The following GTSE1 variants were observed in gnomAD, a reference collection of about 807,000 sequenced individuals.
The protein encoded by GTSE1 is G2 and S-phase expressed 1, also known as G2 and S phase-expressed protein 1.
Under a neutral mutation model 60.5 loss-of-function variants are expected in GTSE1, and 52 were observed. The observed-to-expected ratio is 0.86, with a 90% CI of 0.69 to 1.08. The LOEUF is 1.08. GTSE1 is among the 50% of genes least tolerant of loss of function. The probability of loss-of-function intolerance (pLI) is 0.00; values close to 1 mark genes in which losing one functional copy is unlikely to be tolerated. For synonymous variants in GTSE1, 368 were observed against 386.5 expected, an observed-to-expected ratio of 0.95 and a Z score of 0.56; for missense variants, 937 against 961.8, an observed-to-expected ratio of 0.97 and a Z score of 0.34.
rs1288018982 is a variant in GTSE1, at chr22:46,320,480, G to A, written c.1433-2710G>A. On this transcript the variant is annotated intron_variant, in intron 7 of 11. Coordinates refer to ENST00000454366, the MANE Select transcript of GTSE1 (RefSeq NM_016426.7). The surrounding 1 kb of genome is among the most constrained non-coding windows in gnomAD (Gnocchi z 7.1). Reference sequence around the variant, plus strand: ...ACACAGCTCTGGGAGGCACGTGGTGGTGTGCACTTTTTGGCTGAGAGCACT... The same window carrying A: ...ACACAGCTCTGGGAGGCACGTGGTGATGTGCACTTTTTGGCTGAGAGCACT... 6.6e-6 allele frequency among the ~76,000 whole-genome samples: 1 copy of A among 152,104 alleles called. No homozygotes were observed. The highest frequency in any genetic ancestry group is 1.9e-4 in the East Asian group (1 of 5,176).
Position 46,297,446 on chromosome 22 carries a change from G to T in GTSE1, c.46G>T (p.Gly16Trp), listed in dbSNP as rs1273720929. 3.7e-6 allele frequency: 6 copies of T among 1,613,816 alleles called. No individual in the cohort carries two copies. In the East Asian group the frequency reaches 1.3e-4, roughly 36 times the overall value. The stretch of plus-strand genomic sequence containing the variant: ...CGATGAGCCTTCAGCCTGCCGGGCA[G>T]GGGACGTGAACATGGATGACCCTAA... ...GRDEPSACRA[G>W]DVNMDDPKKE... Residue 16 changes from glycine to tryptophan, a missense_variant, in exon 2 of 12, where the codon GGG becomes TGG. Coordinates refer to ENST00000454366, the MANE Select transcript of GTSE1 (RefSeq NM_016426.7). The surrounding 1 kb of genome is among the most constrained non-coding windows in gnomAD (Gnocchi z 4.9).
In GTSE1 at chr22:46,297,562, T is replaced by A; in HGVS notation, c.79+83T>A. The A allele has an allele frequency of 1.0e-6, 1 of 983,878 alleles. No individual in the cohort carries two copies. The highest frequency in any genetic ancestry group is 1.6e-6 in the Non-Finnish European group (1 of 632,550). The allele number at this position is 983,878 out of a possible 1,614,324, so 60.9% of individuals were successfully genotyped here. A position where few individuals can be genotyped will look rare whatever the true frequency, so the allele number is the denominator to read the frequency against. On this transcript the variant is annotated intron_variant, in intron 2 of 11. Transcript: ENST00000454366. This position sits in a 1 kb window ranked among gnomAD's most constrained non-coding sequence, Gnocchi z 4.9. Reference sequence around the variant, plus strand: ...GTGATTTAATGTTTCCCTGAGAAATTCTTTCTCAAGTGCTCGACTTGTACT... The same window carrying A: ...GTGATTTAATGTTTCCCTGAGAAATACTTTCTCAAGTGCTCGACTTGTACT...
At chr22:46,323,927 C>T (rs1447015211) in intron 8 of GTSE1, among the ~76,000 whole-genome samples, 1 of 151,758 alleles carries the variant, frequency 6.6e-6, no homozygotes, top group African/African-American at 2.4e-5. Context: ...CTCCTGGCCT[C>T]GTGATCCGCC....
rs1203898540 is a variant in GTSE1, at chr22:46,321,040, C to A, written c.1433-2150C>A. 6.6e-6 allele frequency among the ~76,000 whole-genome samples: 1 copy of A among 151,670 alleles called. No individual in the cohort carries two copies. Among genetic ancestry groups the A allele is most frequent in the Admixed American group, 6.6e-5 (1 of 15,218 alleles). ...GAGGCGGCAAGGGAGAGGGAGGCGG[C>A]GAGGGAGAGAGAGGTGGGCTTGCCT... On this transcript the variant is annotated intron_variant, in intron 7 of 11. Coordinates refer to ENST00000454366, the MANE Select transcript of GTSE1 (RefSeq NM_016426.7). The surrounding 1 kb of genome is among the most constrained non-coding windows in gnomAD (Gnocchi z 4.0).
rs1056557628 is a variant in GTSE1 at position 46,310,260 on chromosome 22, G to A, written c.762+1317G>A. Among the ~76,000 whole-genome samples, 1 of 152,214 alleles carries A rather than the reference G, an allele frequency of 6.6e-6. No homozygotes were observed. Among genetic ancestry groups the A allele is most frequent in the Non-Finnish European group, 1.5e-5 (1 of 68,030 alleles). On this transcript the variant is annotated intron_variant, in intron 4 of 11. Transcript: ENST00000454366. This position sits in a 1 kb window ranked among gnomAD's most constrained non-coding sequence, Gnocchi z 4.4. ...AGAACTGCTAGGATGCCTAAAGGAA[G>A]AAGAAAAAGAAAATAACAGGTGTTA...
chr22:46,312,364 G>T, intron 5 of GTSE1, 59 bp downstream of exon 5: 1 of 1,499,302 alleles, frequency 6.7e-7, no homozygotes, highest in African/African-American at 1.4e-5. Context: ...GCAGCTGTGT[G>T]TACAAGTGCT....
At chr22:46,323,552 G>A (rs894604487) in intron 8 of GTSE1, among the ~76,000 whole-genome samples, 5 of 152,168 alleles carry the variant, frequency 3.3e-5, no homozygotes, top group Admixed American at 6.5e-5. Context: ...AGGACTGCCC[G>A]TGCCCAGCCC....
intron 8 of GTSE1, among the ~76,000 whole-genome samples, chr22:46,326,046 G>T (rs953430871): frequency 1.3e-5 from 2 of 152,254 alleles, no homozygotes; most frequent in Admixed American, 1.3e-4. Context: ...ACAGGCTGCG[G>T]CTCTGACTTC....
intron 9 of GTSE1, 26 bp downstream of exon 9, chr22:46,326,680 T>C (rs776635707): frequency 6.5e-7 from 1 of 1,527,270 alleles, no homozygotes; most frequent in South Asian, 1.2e-5. Flanking sequence ...GGTAATAAAT[T>C]GGTCTCAAAT....
intron 3 of GTSE1, 51 bp downstream of exon 3, chr22:46,308,258 A>C: frequency 6.2e-7 from 1 of 1,605,154 alleles, no homozygotes. Context: ...ACATTCAGTA[A>C]AGTCTTTCCT....
intron 8 of GTSE1, among the ~76,000 whole-genome samples, chr22:46,323,700 C>A (rs111935704): frequency 0.039 from 5,973 of 151,522 alleles, 145 homozygotes; most frequent in Non-Finnish European, 0.055. Context: ...CTTTTTTTTT[C>A]TTTTTGAGAT....
intron 4 of GTSE1, 59 bp from the exon 5 acceptor site, chr22:46,312,082 G>A: frequency 7.1e-7 from 1 of 1,407,310 alleles, no homozygotes; most frequent in Non-Finnish European, 9.8e-7. Context: ...GGAAGCCTGA[G>A]TATCTCTGTA....
chr22:46,317,156 G>A lies in GTSE1; in HGVS notation c.1432+744G>A, dbSNP rs7291226. Among the ~76,000 whole-genome samples the A allele has an allele frequency of 3.4e-3, 518 of 152,012 alleles. 3 individuals carry two copies. Among genetic ancestry groups the A allele is most frequent in the African/African-American group, 0.012 (484 of 41,462 alleles). On this transcript the variant is annotated intron_variant, in intron 7 of 11. Coordinates refer to ENST00000454366, the MANE Select transcript of GTSE1 (RefSeq NM_016426.7). This position sits in a 1 kb window ranked among gnomAD's most constrained non-coding sequence, Gnocchi z 5.6. The stretch of plus-strand genomic sequence containing the variant: ...TTTTTTTTGTATTTTTGGTAGAGAC[G>A]GGGTTTCGCCATGTTGGCCAGGCTG...
rs190331051 is a variant in GTSE1, at chr22:46,313,930, C to A, written c.968C>A (p.Thr323Asn). Reference sequence around the variant, plus strand: ...ACCCTGTTAAAAGCACCCGGCTCTACCAGCAATCTCGCAAGGAAGTCCTCC... The same window carrying A: ...ACCCTGTTAAAAGCACCCGGCTCTAACAGCAATCTCGCAAGGAAGTCCTCC... Reference protein sequence around the residue: ...KKTLLKAPGSTSNLARKSSSG... With the variant: ...KKTLLKAPGSNSNLARKSSSG... The change falls in exon 6 of 12, where the codon ACC becomes AAC. Residue 323 changes from threonine to asparagine, a missense_variant. Physicochemically the swap from Thr to Asn is moderately conservative, Grantham distance 65. Transcript: ENST00000454366. This position sits in a 1 kb window ranked among gnomAD's most constrained non-coding sequence, Gnocchi z 4.4. 1 of 1,614,172 alleles carries A rather than the reference C, an allele frequency of 6.2e-7. No individual in the cohort carries two copies. The highest frequency in any genetic ancestry group is 1.7e-5 in the Admixed American group (1 of 60,026).
intron 2 of GTSE1, among the ~76,000 whole-genome samples, chr22:46,300,748 G>A (rs1036327217): frequency 3.9e-5 from 6 of 152,330 alleles, no homozygotes; most frequent in African/African-American, 7.2e-5. Flanking sequence ...CAGTCACAGA[G>A]CCTGGAGCAG....
rs573742042 is a variant in GTSE1 at position 46,321,094 on chromosome 22, G to A, written c.1433-2096G>A. Among the ~76,000 whole-genome samples the A allele has an allele frequency of 9.1e-4, 138 of 152,194 alleles. 1 individual carries two copies. The highest frequency in any genetic ancestry group is 9.0e-3 in the Admixed American group (137 of 15,306). On this transcript the variant is annotated intron_variant, in intron 7 of 11. Coordinates refer to ENST00000454366, the MANE Select transcript of GTSE1 (RefSeq NM_016426.7). The surrounding 1 kb of genome is among the most constrained non-coding windows in gnomAD (Gnocchi z 4.0). Reference sequence around the variant, plus strand: ...CACCCGCCAGGAGTGACCAACTTGGGTCTCACAGAGACCTCTGTGAATGGT... The same window carrying A: ...CACCCGCCAGGAGTGACCAACTTGGATCTCACAGAGACCTCTGTGAATGGT...
At position 46,329,222 on chromosome 22, in the gene GTSE1, T is replaced by C; in HGVS notation, c.1927-136T>C. The C allele has an allele frequency of 1.3e-6, 1 of 778,200 alleles. No homozygotes were observed. The highest frequency in any genetic ancestry group is 1.5e-5 in the South Asian group (1 of 67,556). 48.2% of individuals were successfully genotyped at this position (778,200 alleles called of 1,614,324 possible). On this transcript the variant is annotated intron_variant, in intron 10 of 11. Transcript: ENST00000454366. This position sits in a 1 kb window ranked among gnomAD's most constrained non-coding sequence, Gnocchi z 6.4. ...ACGGCCCACCCCATACAGAGCCTCC[T>C]TCCACCAAGGCCCCGCCTGATTCCT...
rs549056788 is a variant in GTSE1, at chr22:46,304,788, G to A, written c.80-3362G>A. ...GTTCCCAGCAGTTTGAGACCAGCCTGGGCAACATGAGGAGATCCCATCTCT... is the reference window on the plus strand; with the variant it reads ...GTTCCCAGCAGTTTGAGACCAGCCTAGGCAACATGAGGAGATCCCATCTCT... On this transcript the variant is annotated intron_variant, in intron 2 of 11. Transcript: ENST00000454366. The surrounding 1 kb of genome is among the most constrained non-coding windows in gnomAD (Gnocchi z 4.4). 3.9e-5 allele frequency among the ~76,000 whole-genome samples: 6 copies of A among 152,208 alleles called. No homozygotes were observed. The South Asian group carries it at 1.2e-3, about 32-fold the overall frequency.
rs562762383 is a variant in GTSE1, at chr22:46,297,107, G to A, written c.-22+176G>A. ...CGGGGATGCCGGGAGGTCTAGGGCT[G>A]CCCCCCAGGCAAACAGAGCCCCCAA... is the stretch of plus-strand genomic sequence containing the variant. On this transcript the variant is annotated intron_variant, in intron 1 of 11. Coordinates refer to ENST00000454366, the MANE Select transcript of GTSE1 (RefSeq NM_016426.7). The surrounding 1 kb of genome is among the most constrained non-coding windows in gnomAD (Gnocchi z 4.9). 6.6e-6 allele frequency among the ~76,000 whole-genome samples: 1 copy of A among 152,192 alleles called. No individual in the cohort carries two copies. The highest frequency in any genetic ancestry group is 2.1e-4 in the South Asian group (1 of 4,838).
Sources: gnomAD v4.1 joint callset for allele counts (sites outside exome capture counted in the v4.1 genomes callset) on GRCh38, gnomAD v4.1.1 for gene constraint, Gnocchi (gnomAD v3.1) non-coding constraint, MANE v1.5 for transcripts, NCBI Gene and HGNC (gene_info 2026-07-23, HGNC 2026-07-21) for gene names.